The following ITPR1 variants were observed in gnomAD, a reference collection of about 807,000 sequenced individuals.
ITPR1 encodes the protein inositol 1,4,5-trisphosphate-gated calcium channel ITPR1.
In ITPR1, 96 loss-of-function variants were observed where a neutral mutation model predicts 318.4. The observed-to-expected ratio is 0.30, with a 90% CI of 0.26 to 0.36. ITPR1 has a LOEUF of 0.36. Among genes scored for constraint, ITPR1 ranks in the 10% least tolerant of loss-of-function variants. ITPR1 has a pLI of 1.00. For missense variants in ITPR1, 2,440 were observed against 3,460.2 expected (o/e 0.71, Z 7.40); for synonymous variants, 1,312 against 1,289.9 (o/e 1.02, Z -0.37).
intron 39 of ITPR1, among the ~76,000 whole-genome samples, chr3:4,715,319 T>C (rs1016659151): frequency 6.6e-6 from 1 of 152,246 alleles, no homozygotes; most frequent in Non-Finnish European, 1.5e-5. Context: ...TAGTGGGCAT[T>C]AGCCCTGAGA....
intron 20 of ITPR1, among the ~76,000 whole-genome samples, chr3:4,672,059 T>C (rs990872568): frequency 1.3e-5 from 2 of 152,264 alleles, no homozygotes; most frequent in African/African-American, 4.8e-5. Context: ...TTCTGTTTTA[T>C]TGATTTATCA....
Position 4,667,565 on chromosome 3 carries a change from G to A in ITPR1, c.1886+16G>A, listed in dbSNP as rs375446884. 7.3e-5 allele frequency: 117 copies of A among 1,608,166 alleles called. No individual in the cohort carries two copies. The highest frequency in any genetic ancestry group is 9.9e-5 in the Non-Finnish European group (116 of 1,176,954). On this transcript the variant is annotated intron_variant, in intron 18 of 61. Coordinates refer to ENST00000649015, the MANE Select transcript of ITPR1 (RefSeq NM_001378452.1). ...GGGAGCCCAGGTGAGGCGGGAGTGG[G>A]GTCCATGCAGGATGGTGTCTCTGCC...
At chr3:4,759,070 G>T (rs578253611) in intron 44 of ITPR1, among the ~76,000 whole-genome samples, 1 of 148,096 alleles carries the variant, frequency 6.8e-6, no homozygotes, top group Non-Finnish European at 1.5e-5. Context: ...GCCAAAGACT[G>T]GTGTCCAACT....
At chr3:4,618,347 A>T (rs2092465632) in intron 4 of ITPR1, among the ~76,000 whole-genome samples, 1 of 152,152 alleles carries the variant, frequency 6.6e-6, no homozygotes, top group South Asian at 2.1e-4. Context: ...TTTCTAGATG[A>T]TGTGTGTCTC....
intron 5 of ITPR1, among the ~76,000 whole-genome samples, chr3:4,631,608 A>C (rs1343786420): frequency 6.6e-6 from 1 of 151,872 alleles, no homozygotes; most frequent in African/African-American, 2.4e-5. Context: ...GGCATTCAGG[A>C]TTGTTGTGCC....
rs1427763160 is a variant in ITPR1 at position 4,673,220 on chromosome 3, T to C, written c.2289T>C (p.Asp763=). 6.2e-7 allele frequency: 1 copy of C among 1,613,852 alleles called. No individual in the cohort carries two copies. The highest frequency in any genetic ancestry group is 8.5e-7 in the Non-Finnish European group (1 of 1,179,878). ...AAATCTCAGGCCAGCTGGATGTCGATCTCATTCTCCGCTGCATGTCTGACG... is the reference window on the plus strand; with the variant it reads ...AAATCTCAGGCCAGCTGGATGTCGACCTCATTCTCCGCTGCATGTCTGACG... ...INEISGQLDV[D]LILRCMSDEN... Residue 763 remains aspartate (D), a synonymous_variant, in exon 21 of 62, where the codon GAT becomes GAC. Transcript: ENST00000649015.
chr3:4,674,989 A>G, intron 22 of ITPR1, 79 bp from the exon 23 acceptor site: 1 of 760,792 alleles, frequency 1.3e-6, no homozygotes, highest in Non-Finnish European at 2.2e-6. Flanking sequence ...TGTCATTTCT[A>G]AACTGGTCAA....
chr3:4,806,802 C>T (rs1351005835), intron 55 of ITPR1, among the ~76,000 whole-genome samples: 1 of 152,094 alleles, frequency 6.6e-6, no homozygotes, highest in Non-Finnish European at 1.5e-5. Flanking sequence ...TGCTTAATGT[C>T]TTGACAGTCT....
chr3:4,788,578 T>G (rs2047352067), intron 52 of ITPR1, among the ~76,000 whole-genome samples: 1 of 152,214 alleles, frequency 6.6e-6, no homozygotes, highest in Non-Finnish European at 1.5e-5. Context: ...GCTTGGATTT[T>G]AGACTAAATC....
At position 4,782,755 on chromosome 3, in the gene ITPR1, T is replaced by C; in HGVS notation, c.6510+14T>C. The C allele has an allele frequency of 6.8e-7, 1 of 1,471,498 alleles. No individual in the cohort carries two copies. The highest frequency in any genetic ancestry group is 1.5e-5 in the South Asian group (1 of 66,116). 91.2% of individuals were successfully genotyped at this position (1,471,498 alleles called of 1,614,324 possible). A position where few individuals can be genotyped will look rare whatever the true frequency, so the allele number is the denominator to read the frequency against. On this transcript the variant is annotated intron_variant, in intron 50 of 61. Coordinates refer to ENST00000649015, the MANE Select transcript of ITPR1 (RefSeq NM_001378452.1). Reference sequence around the variant, plus strand: ...TTAGCCCATCAGGTATGATCTCTCCTGTGCCTCCTCTGGATGCTGCCTCCC... The same window carrying C: ...TTAGCCCATCAGGTATGATCTCTCCCGTGCCTCCTCTGGATGCTGCCTCCC...
intron 32 of ITPR1, among the ~76,000 whole-genome samples, chr3:4,691,877 C>T (rs1052144195): frequency 2.6e-5 from 4 of 152,120 alleles, no homozygotes; most frequent in Non-Finnish European, 4.4e-5. Flanking sequence ...TTGAGGCCAA[C>T]GTGGTGGCTC....
chr3:4,710,448 T>A lies in ITPR1; in HGVS notation c.4966T>A (p.Cys1656Ser), dbSNP rs1291483786. Residue 1656 changes from cysteine (C) to serine (S), a missense_variant, in exon 38 of 62, where the codon TGT becomes AGT. This residue lies in a region of ITPR1 where 166 missense variants were observed against 246.5 expected (regional missense o/e 0.67). Transcript: ENST00000649015. The surrounding 1 kb of genome is among the most constrained non-coding windows in gnomAD (Gnocchi z 4.2). ...FPENTDARRK[C>S]ESGGFICKLI... ...AGAGAACACAGACGCCAGAAGGAAA[T>A]GTGAAAGTGGCGGTTTCATTTGCAA... 1 of 1,553,978 alleles carries A rather than the reference T, an allele frequency of 6.4e-7. No homozygotes were observed. Among genetic ancestry groups the A allele is most frequent in the Admixed American group, 2.0e-5 (1 of 51,262 alleles).
chr3:4,513,047 G>A (rs1486953821), intron 2 of ITPR1, among the ~76,000 whole-genome samples: 1 of 152,180 alleles, frequency 6.6e-6, no homozygotes, highest in Non-Finnish European at 1.5e-5. Context: ...CCTTGTCATG[G>A]TGTGAGTGAC....
At chr3:4,688,763 T>C in intron 31 of ITPR1, 143 bp downstream of exon 31, 2 of 798,380 alleles carry the variant, frequency 2.5e-6, no homozygotes, top group Non-Finnish European at 3.9e-6. Flanking sequence ...TTTTCATCAC[T>C]TATCACGAGG....
intron 1 of ITPR1, among the ~76,000 whole-genome samples, chr3:4,494,010 G>A (rs748859907): frequency 1.1e-4 from 16 of 151,658 alleles, no homozygotes; most frequent in Non-Finnish European, 2.4e-4. Flanking sequence ...TAATGCATGT[G>A]TAGGGGCCCC....
chr3:4,776,511 A>T (rs1393058797), intron 47 of ITPR1, among the ~76,000 whole-genome samples: 1 of 152,174 alleles, frequency 6.6e-6, no homozygotes, highest in Non-Finnish European at 1.5e-5. Context: ...TTCAGAGGAG[A>T]ACGGTTTATG....
intron 10 of ITPR1, among the ~76,000 whole-genome samples, chr3:4,646,457 C>T (rs1047527520): frequency 6.6e-6 from 1 of 152,138 alleles, no homozygotes; most frequent in African/African-American, 2.4e-5. Flanking sequence ...TGGGATAAAA[C>T]TCAGTAACTT....
At chr3:4,639,323 C>A in intron 5 of ITPR1, 61 bp from the exon 6 acceptor site, 3 of 1,257,902 alleles carry the variant, frequency 2.4e-6, no homozygotes, top group Non-Finnish European at 3.4e-6. Flanking sequence ...TTCTGCGTCA[C>A]TGCAGTGGGA....
intron 42 of ITPR1, 76 bp from the exon 43 acceptor site, chr3:4,733,012 C>G: frequency 7.0e-7 from 1 of 1,434,352 alleles, no homozygotes; most frequent in Non-Finnish European, 9.6e-7. Context: ...CTGAGTACCC[C>G]TGTGTGTTTT....
Sources: allele counts gnomAD v4.1 joint callset (sites outside exome capture counted in the v4.1 genomes callset), GRCh38; gene constraint gnomAD v4.1.1; regional missense constraint gnomAD v4.1.1; non-coding constraint Gnocchi (gnomAD v3.1); transcripts MANE v1.5; gene names NCBI Gene and HGNC (gene_info 2026-07-23, HGNC 2026-07-21).